ANKMY1: variants seen among roughly 807,000 people sequenced by gnomAD.
The protein encoded by ANKMY1 is ankyrin repeat and MYND domain-containing protein 1.
Under a neutral mutation model 102.0 loss-of-function variants are expected in ANKMY1, and 98 were observed. The observed-to-expected ratio is 0.96, with a 90% CI of 0.82 to 1.14. The LOEUF (loss-of-function observed/expected upper bound fraction) is 1.14, where lower values mean the gene tolerates loss of function less well. Ranked by LOEUF, ANKMY1 falls within the 50% of genes most tolerant of loss-of-function variation. The pLI, the probability that ANKMY1 is intolerant of heterozygous loss-of-function variation, is 0.00. For missense variants in ANKMY1, 1,330 were observed against 1,347.6 expected (o/e 0.99, Z 0.20); for synonymous variants, 582 against 559.9 (o/e 1.04, Z -0.56).
chr2:240,470,125 G>C, the ANKMY1 span, among the ~76,000 whole-genome samples: 1 of 152,190 alleles, frequency 6.6e-6, no homozygotes. Flanking sequence ...TCTTTATCTG[G>C]GGACAAGGCC....
At position 240,557,195 on chromosome 2, in the gene ANKMY1, G is replaced by A. The variant is rs1285083995; in HGVS notation, c.141C>T (p.Ala47=). The stretch of plus-strand genomic sequence containing the variant: ...CGCTGGAGGGTCCCCCGCACCTTGT[G>A]GCGAAGACAGCGTAGTTCTTCAGGG... The part of the protein sequence containing the change: ...PGSLKNYAVF[A]TRDVSAAPEK... Residue 47 remains alanine (A), a synonymous_variant, in exon 2 of 18, where the codon GCC becomes GCT. Coordinates refer to ENST00000401804, the MANE Select transcript of ANKMY1 (RefSeq NM_001282771.3). 1.3e-6 allele frequency: 2 copies of A among 1,536,086 alleles called. No individual in the cohort carries two copies. Among genetic ancestry groups the A allele is most frequent in the Admixed American group, 3.9e-5 (2 of 51,012 alleles).
chr2:240,479,106 G>T (rs995801917), downstream of ANKMY1, among the ~76,000 whole-genome samples: 41 of 152,194 alleles, frequency 2.7e-4, no homozygotes, highest in African/African-American at 8.4e-4. Context: ...CAGACACTCC[G>T]TAAGTGCACG....
At chr2:240,491,063 T>G (rs1360642763) in intron 15 of ANKMY1, among the ~76,000 whole-genome samples, 3 of 152,062 alleles carry the variant, frequency 2.0e-5, no homozygotes, top group African/African-American at 7.2e-5. Flanking sequence ...GCTAGATTTA[T>G]CCCTTTATCG....
the ANKMY1 span, among the ~76,000 whole-genome samples, chr2:240,469,694 A>G: frequency 3.2e-5 from 4 of 123,618 alleles, no homozygotes; most frequent in East Asian, 8.0e-4. Flanking sequence ...ACGAACACAT[A>G]CAACACCCTG....
At position 240,520,909 on chromosome 2, in the gene ANKMY1, C is replaced by T. The variant is rs2082106169; in HGVS notation, c.1833-376G>A. Among the ~76,000 whole-genome samples the T allele has an allele frequency of 6.6e-6, 1 of 151,740 alleles. No individual in the cohort carries two copies. Among genetic ancestry groups the T allele is most frequent in the South Asian group, 2.1e-4 (1 of 4,796 alleles). On this transcript the variant is annotated intron_variant, in intron 8 of 17. Coordinates refer to ENST00000401804, the MANE Select transcript of ANKMY1 (RefSeq NM_001282771.3). This position sits in a 1 kb window ranked among gnomAD's most constrained non-coding sequence, Gnocchi z 4.8. ...ACGGCACACCACACACCAGAGCACA[C>T]AAACCACACTACACATACAGCACAC...
chr2:240,472,298 A>ATCAACGG, the ANKMY1 span, among the ~76,000 whole-genome samples: 1 of 131,632 alleles, frequency 7.6e-6, no homozygotes, highest in African/African-American at 3.2e-5. Context: ...CCAATCTACA[A>ATCAACGG]CTGCACAGGC....
chr2:240,484,015 T>G (rs1204337430), intron 15 of ANKMY1, among the ~76,000 whole-genome samples: 1 of 152,250 alleles, frequency 6.6e-6, no homozygotes, highest in Non-Finnish European at 1.5e-5. Context: ...GGACATGAAC[T>G]CAGCCTTTTT....
rs1276674804 is a variant in ANKMY1, at chr2:240,529,650, G to A, written c.481-141C>T. On this transcript the variant is annotated intron_variant, in intron 4 of 17. Coordinates refer to ENST00000401804, the MANE Select transcript of ANKMY1 (RefSeq NM_001282771.3). The surrounding 1 kb of genome is among the most constrained non-coding windows in gnomAD (Gnocchi z 4.2). The stretch of plus-strand genomic sequence containing the variant: ...CATTCAGCCAGTAAACATCTCTGGA[G>A]GCTTAGGCTGTGCCGCCCAGGGACC... 3 of 867,066 alleles carry A rather than the reference G, an allele frequency of 3.5e-6. No individual in the cohort carries two copies. Among genetic ancestry groups the A allele is most frequent in the South Asian group, 3.7e-5 (2 of 54,774 alleles). The allele number at this position is 867,066 out of a possible 1,614,324, so 53.7% of individuals were successfully genotyped here.
upstream of ANKMY1, chr2:240,560,456 G>A: frequency 1.8e-6 from 1 of 562,960 alleles, no homozygotes; most frequent in Non-Finnish European, 2.7e-6. Flanking sequence ...CCGGCGCCCT[G>A]GTGAGGCCCA....
chr2:240,557,235 G>A lies in ANKMY1; in HGVS notation c.101C>T (p.Ala34Val). The change falls in exon 2 of 18, where the codon GCC (alanine) becomes GTC (valine). Residue 34 changes from alanine to valine, a missense_variant. Ala to Val is a moderately conservative substitution (Grantham distance 64). Transcript: ENST00000401804. ...GTTCTTCAGGGACCCCGGCTCCTCG[G>A]CAGCAGGGGTCTCGCCGCCCTTCCC... ...LEGKGGETPA[A>V]EEPGSLKNYA... The A allele has an allele frequency of 6.3e-7, 1 of 1,592,440 alleles. No homozygotes were observed. The highest frequency in any genetic ancestry group is 1.1e-5 in the South Asian group (1 of 88,576).
At position 240,525,708 on chromosome 2, in the gene ANKMY1, C is replaced by T; in HGVS notation, c.1312G>A (p.Glu438Lys). Residue 438 changes from glutamate to lysine, a missense_variant, in exon 7 of 18, where the codon GAA (glutamate) becomes AAA (lysine). Coordinates refer to ENST00000401804, the MANE Select transcript of ANKMY1 (RefSeq NM_001282771.3). Reference sequence around the variant, plus strand: ...ACCTGGGGCTCAGGTATGGTCCGTTCAGCAACATTGGGCTTGAAGGACTGG... The same window carrying T: ...ACCTGGGGCTCAGGTATGGTCCGTTTAGCAACATTGGGCTTGAAGGACTGG... ...PAQSFKPNVA[E>K]RTIPEPQEPP... 6.2e-7 allele frequency: 1 copy of T among 1,614,086 alleles called. No homozygotes were observed. Among genetic ancestry groups the T allele is most frequent in the South Asian group, 1.1e-5 (1 of 91,072 alleles).
Position 240,529,536 on chromosome 2 carries a change from G to A in ANKMY1, c.481-27C>T, listed in dbSNP as rs3796120. The A allele has an allele frequency of 1.2e-5, 19 of 1,569,118 alleles. No homozygotes were observed. The East Asian group carries it at 1.4e-4, about 11-fold the overall frequency. ...TGCCAAGGAAGCGCAATAGACCGAGGAGAGATAACGCGACCCAGCTGCACA... is the reference window on the plus strand; with the variant it reads ...TGCCAAGGAAGCGCAATAGACCGAGAAGAGATAACGCGACCCAGCTGCACA... On this transcript the variant is annotated intron_variant, in intron 4 of 17. Coordinates refer to ENST00000401804, the MANE Select transcript of ANKMY1 (RefSeq NM_001282771.3). The surrounding 1 kb of genome is among the most constrained non-coding windows in gnomAD (Gnocchi z 4.2).
chr2:240,500,215 T>G (rs1330936612), intron 14 of ANKMY1, 92 bp from the exon 15 acceptor site: 1 of 1,428,760 alleles, frequency 7.0e-7, no homozygotes, highest in Non-Finnish European at 9.3e-7. Flanking sequence ...TGTCAGCTCT[T>G]GTGATATATA....
rs2080500907 is a variant in ANKMY1, at chr2:240,512,868, C to G, written c.2079G>C (p.Leu693=). 1 of 1,614,088 alleles carries G rather than the reference C, an allele frequency of 6.2e-7. No homozygotes were observed. The highest frequency in any genetic ancestry group is 8.5e-7 in the Non-Finnish European group (1 of 1,180,002). The change falls in exon 10 of 18, where the codon CTG becomes CTC. Residue 693 remains leucine, a synonymous_variant. Transcript: ENST00000401804. Reference sequence around the variant, plus strand: ...CGTCCACATCGGTGATGGCATGCAACAGCAGCTCCACAATCTGTACCCCCT... The same window carrying G: ...CGTCCACATCGGTGATGGCATGCAAGAGCAGCTCCACAATCTGTACCCCCT... ...GEEGVQIVEL[L]LHAITDVDAK... is the part of the protein sequence containing the mutation.
upstream of ANKMY1, among the ~76,000 whole-genome samples, chr2:240,559,864 A>AATTGCT (rs1414482253): frequency 6.6e-6 from 1 of 152,262 alleles, no homozygotes; most frequent in Non-Finnish European, 1.5e-5. Flanking sequence ...CTGAAACTTC[A>AATTGCT]ATTGCTAAAT....
chr2:240,534,707 A>T (rs1247831105), intron 4 of ANKMY1, among the ~76,000 whole-genome samples: 4 of 152,240 alleles, frequency 2.6e-5, no homozygotes, highest in Non-Finnish European at 5.9e-5. Flanking sequence ...ATAAAGCAAA[A>T]TTTGACAGAA....
rs4074478 is a variant in ANKMY1, at chr2:240,506,923, C to A, written c.2526+637G>T. 1.3e-5 allele frequency among the ~76,000 whole-genome samples: 2 copies of A among 152,058 alleles called. No individual in the cohort carries two copies. The highest frequency in any genetic ancestry group is 4.8e-5 in the African/African-American group (2 of 41,490). Reference sequence around the variant, plus strand: ...TGTCTCCAGCGCGGGCAGGATTTCCCGACTGTGAGCTTCCACCTAAGAAAG... The same window carrying A: ...TGTCTCCAGCGCGGGCAGGATTTCCAGACTGTGAGCTTCCACCTAAGAAAG... On this transcript the variant is annotated intron_variant, in intron 13 of 17. Transcript: ENST00000401804. This position sits in a 1 kb window ranked among gnomAD's most constrained non-coding sequence, Gnocchi z 4.9.
chr2:240,538,702 T>G (rs1350518986), intron 4 of ANKMY1, among the ~76,000 whole-genome samples: 1 of 152,074 alleles, frequency 6.6e-6, no homozygotes, highest in Non-Finnish European at 1.5e-5. Context: ...GGCCCTGGCG[T>G]GCGATCCACT....
chr2:240,512,114 G>T, intron 10 of ANKMY1, 113 bp from the exon 11 acceptor site: 1 of 1,299,564 alleles, frequency 7.7e-7, no homozygotes, highest in Non-Finnish European at 1.0e-6. Flanking sequence ...GTCTCACCCT[G>T]CGAAACCCTC....
Sources: gnomAD v4.1 joint callset for allele counts (sites outside exome capture counted in the v4.1 genomes callset) on GRCh38, gnomAD v4.1.1 for gene constraint, Gnocchi (gnomAD v3.1) non-coding constraint, MANE v1.5 for transcripts, NCBI Gene and HGNC (gene_info 2026-07-23, HGNC 2026-07-21) for gene names.